The following PAK5 variants were observed in gnomAD, a reference collection of about 807,000 sequenced individuals.
PAK5 encodes p21 (RAC1) activated kinase 5, also known as serine/threonine-protein kinase PAK 5.
PAK5 carries 16 observed loss-of-function variants against 65.9 expected under a neutral mutation model. The observed-to-expected ratio is 0.24, with a 90% CI of 0.16 to 0.37. The LOEUF (loss-of-function observed/expected upper bound fraction) is 0.37, where lower values mean the gene tolerates loss of function less well. PAK5 is among the 10% of genes least tolerant of loss of function. PAK5 has a pLI of 1.00. For missense variants in PAK5, 785 were observed against 903.9 expected (o/e 0.87, Z 1.69); for synonymous variants, 371 against 354.9 (o/e 1.05, Z -0.51).
intron 1 of PAK5, among the ~76,000 whole-genome samples, chr20:9,802,910 G>GTATATATATATATA (rs57705525): frequency 0.017 from 807 of 46,300 alleles, 50 homozygotes; most frequent in South Asian, 0.066. Flanking sequence ...ATATGTATGT[G>GTATATATATATATA]TATATATATA....
At chr20:9,684,035 T>G (rs776019444) in intron 2 of PAK5, among the ~76,000 whole-genome samples, 1 of 152,208 alleles carries the variant, frequency 6.6e-6, no homozygotes, top group Non-Finnish European at 1.5e-5. Context: ...GGGTCCCTGA[T>G]GGAGCATGTG....
intron 1 of PAK5, among the ~76,000 whole-genome samples, chr20:9,762,286 T>C (rs1397633480): frequency 6.6e-6 from 1 of 152,176 alleles, no homozygotes. Flanking sequence ...TTAAAATGCT[T>C]CTGCATAGCA....
At chr20:9,775,409 C>A (rs2048877596) in intron 1 of PAK5, among the ~76,000 whole-genome samples, 1 of 152,190 alleles carries the variant, frequency 6.6e-6, no homozygotes, top group East Asian at 1.9e-4. Context: ...GTCCCATGGC[C>A]TCATTTCCCT....
At chr20:9,600,736 C>A (rs775525499) in intron 3 of PAK5, among the ~76,000 whole-genome samples, 2 of 152,308 alleles carry the variant, frequency 1.3e-5, no homozygotes, top group Middle Eastern at 6.8e-3. Flanking sequence ...CTCTGCTGTC[C>A]TCACATTTCC....
intron 2 of PAK5, among the ~76,000 whole-genome samples, chr20:9,699,686 C>G (rs1287902537): frequency 6.6e-6 from 1 of 151,630 alleles, no homozygotes; most frequent in African/African-American, 2.4e-5. Flanking sequence ...AAAAAAAACT[C>G]TACATCTCTG....
chr20:9,826,711 C>T (rs2049488917), intron 1 of PAK5, among the ~76,000 whole-genome samples: 1 of 152,170 alleles, frequency 6.6e-6, no homozygotes, highest in Admixed American at 6.5e-5. Flanking sequence ...CGATTTCTTC[C>T]TCATTTTATA....
intron 1 of PAK5, among the ~76,000 whole-genome samples, chr20:9,749,856 G>A (rs1428549759): frequency 1.3e-5 from 2 of 152,136 alleles, no homozygotes; most frequent in Non-Finnish European, 2.9e-5. Flanking sequence ...TTACATGGTA[G>A]CCCAAGTTCC....
At chr20:9,565,710 T>G (rs943641013) in intron 5 of PAK5, among the ~76,000 whole-genome samples, 183 bp downstream of exon 5, 1 of 152,180 alleles carries the variant, frequency 6.6e-6, no homozygotes, top group African/African-American at 2.4e-5. Flanking sequence ...AAGTACTTTA[T>G]AGATGTAACA....
chr20:9,543,720 C>G (rs56112228), intron 8 of PAK5, among the ~76,000 whole-genome samples: 1 of 152,132 alleles, frequency 6.6e-6, no homozygotes, highest in Non-Finnish European at 1.5e-5. Flanking sequence ...TTATGTGCCT[C>G]TAAGCTTCCA....
chr20:9,668,114 T>A (rs929819791), intron 2 of PAK5, among the ~76,000 whole-genome samples: 1 of 152,078 alleles, frequency 6.6e-6, no homozygotes, highest in Non-Finnish European at 1.5e-5. Flanking sequence ...ATTTGTCCTT[T>A]AAAAAGAGAA....
intron 3 of PAK5, among the ~76,000 whole-genome samples, chr20:9,616,348 A>G (rs2046655291): frequency 6.6e-6 from 1 of 152,226 alleles, no homozygotes; most frequent in Admixed American, 6.5e-5. Flanking sequence ...TTACGCCAGT[A>G]GCGAGTAGCA....
At chr20:9,814,425 C>A (rs1219896430) in intron 1 of PAK5, among the ~76,000 whole-genome samples, 3 of 151,826 alleles carry the variant, frequency 2.0e-5, no homozygotes, top group African/African-American at 7.3e-5. Flanking sequence ...GTTAATATTG[C>A]CATATTTCAT....
At chr20:9,743,012 G>A (rs995258476) in intron 1 of PAK5, among the ~76,000 whole-genome samples, 3 of 152,184 alleles carry the variant, frequency 2.0e-5, no homozygotes, top group African/African-American at 7.2e-5. Context: ...GAATTTATGA[G>A]ACATAGTCTG....
chr20:9,558,204 G>A (rs1156464605), intron 6 of PAK5, among the ~76,000 whole-genome samples: 1 of 151,770 alleles, frequency 6.6e-6, no homozygotes, highest in African/African-American at 2.4e-5. Context: ...ACCACCTCCT[G>A]GGTCCAAGTG....
chr20:9,688,626 C>T (rs2047752129), intron 2 of PAK5, among the ~76,000 whole-genome samples: 1 of 151,724 alleles, frequency 6.6e-6, no homozygotes, highest in African/African-American at 2.4e-5. Flanking sequence ...GACCAGGAAA[C>T]ATTGGTAATT....
intron 1 of PAK5, among the ~76,000 whole-genome samples, chr20:9,790,095 C>A (rs2049034163): frequency 1.3e-5 from 2 of 152,100 alleles, no homozygotes; most frequent in Admixed American, 1.3e-4. Flanking sequence ...TCCATGACAG[C>A]CCAAAGAGCC....
chr20:9,641,518 C>T (rs1485095806), intron 3 of PAK5, among the ~76,000 whole-genome samples: 2 of 149,882 alleles, frequency 1.3e-5, no homozygotes, highest in Non-Finnish European at 3.0e-5. Flanking sequence ...AGGAGCCCAG[C>T]TGGCTTCACC....
chr20:9,587,091 T>C (rs1413229121), intron 3 of PAK5, among the ~76,000 whole-genome samples: 1 of 152,148 alleles, frequency 6.6e-6, no homozygotes, highest in East Asian at 1.9e-4. Context: ...TCCTGACGTA[T>C]ACAAAGTACT....
intron 1 of PAK5, among the ~76,000 whole-genome samples, chr20:9,816,900 TG>T (rs1261415172): frequency 3.9e-5 from 6 of 152,184 alleles, no homozygotes. Context: ...ATAGAGAATA[TG>T]GGACACCTGG....
Sources: gnomAD v4.1 joint callset for allele counts (sites outside exome capture counted in the v4.1 genomes callset) on GRCh38, gnomAD v4.1.1 for gene constraint, MANE v1.5 for transcripts, NCBI Gene and HGNC (gene_info 2026-07-23, HGNC 2026-07-21) for gene names.